The following SSX2IP variants were observed in gnomAD, a reference collection of about 807,000 sequenced individuals.
SSX2IP encodes afadin- and alpha-actinin-binding protein.
SSX2IP carries 55 observed loss-of-function variants against 84.9 expected under a neutral mutation model. The observed-to-expected ratio is 0.65, with a 90% confidence interval of 0.52 to 0.81. The LOEUF (loss-of-function observed/expected upper bound fraction) is 0.81, where lower values mean the gene tolerates loss of function less well. Ranked by LOEUF, SSX2IP falls within the 30% of genes least tolerant of loss-of-function variation. The pLI is 0.00. For synonymous variants in SSX2IP, 239 were observed against 234.7 expected (o/e 1.02, Z -0.17); for missense variants, 664 against 705.2 (o/e 0.94, Z 0.66).
chr1:84,677,686 T>C (rs1654560778), intron 1 of SSX2IP, among the ~76,000 whole-genome samples: 1 of 152,120 alleles, frequency 6.6e-6, no homozygotes, highest in South Asian at 2.1e-4. Flanking sequence ...CCCTCTTAAA[T>C]CCCTCCTCCT....
intron 1 of SSX2IP, among the ~76,000 whole-genome samples, chr1:84,676,887 G>A (rs2102510305): frequency 6.6e-6 from 1 of 151,970 alleles, no homozygotes; most frequent in South Asian, 2.1e-4. Flanking sequence ...GCTAATTTTT[G>A]TATTTTTAGT....
intron 1 of SSX2IP, among the ~76,000 whole-genome samples, chr1:84,683,562 A>G (rs1320102860): frequency 6.6e-6 from 1 of 152,160 alleles, no homozygotes; most frequent in Non-Finnish European, 1.5e-5. Context: ...CTCTCCCACC[A>G]CAACTGAGTT....
At chr1:84,647,688 A>T (rs925624749) in intron 13 of SSX2IP, 81 bp from the exon 14 acceptor site, 1 of 1,120,504 alleles carries the variant, frequency 8.9e-7, no homozygotes, top group Non-Finnish European at 1.2e-6. Context: ...GCACTCTTCA[A>T]AAAAAATAAG....
chr1:84,659,939 G>C (rs1651690522), intron 8 of SSX2IP, among the ~76,000 whole-genome samples: 1 of 152,146 alleles, frequency 6.6e-6, no homozygotes, highest in East Asian at 1.9e-4. Context: ...GTGAGGCCAA[G>C]GTGGGATGAC....
chr1:84,676,867 C>T (rs6670434), intron 1 of SSX2IP, among the ~76,000 whole-genome samples: 15,691 of 151,728 alleles, frequency 0.1, 1,036 homozygotes, highest in East Asian at 0.18. Context: ...GGATTACAGG[C>T]GGATGCCTAG....
At chr1:84,666,745 T>G (rs1652828290) in intron 4 of SSX2IP, among the ~76,000 whole-genome samples, 3 of 152,130 alleles carry the variant, frequency 2.0e-5, no homozygotes, top group Admixed American at 6.6e-5. Context: ...CACTTCTCCC[T>G]GCAAGTGGTA....
intron 8 of SSX2IP, among the ~76,000 whole-genome samples, chr1:84,661,486 A>C (rs527467342): frequency 6.6e-6 from 1 of 151,946 alleles, no homozygotes; most frequent in Non-Finnish European, 1.5e-5. Context: ...TGATGCCTTG[A>C]TTGCCATAAC....
chr1:84,667,555 T>G (rs1053994822), intron 4 of SSX2IP, among the ~76,000 whole-genome samples: 3 of 152,084 alleles, frequency 2.0e-5, no homozygotes, highest in Non-Finnish European at 4.4e-5. Flanking sequence ...ATTTACACAT[T>G]GTCTTCCTCC....
intron 1 of SSX2IP, among the ~76,000 whole-genome samples, chr1:84,687,598 G>A (rs1359101417): frequency 6.6e-6 from 1 of 152,088 alleles, no homozygotes; most frequent in Non-Finnish European, 1.5e-5. Context: ...AGTTTCTGAG[G>A]GCTTCAGCAA....
intron 4 of SSX2IP, among the ~76,000 whole-genome samples, chr1:84,666,917 A>C (rs898292068): frequency 4.3e-4 from 66 of 152,310 alleles, no homozygotes; most frequent in African/African-American, 1.5e-3. Flanking sequence ...ATTTTTATAA[A>C]ATTCAAAAGC....
intron 1 of SSX2IP, among the ~76,000 whole-genome samples, chr1:84,671,601 A>C (rs550567472): frequency 6.6e-6 from 1 of 152,340 alleles, no homozygotes; most frequent in Non-Finnish European, 1.5e-5. Context: ...CATTGTACTA[A>C]GTAATATTTC....
chr1:84,658,274 C>T (rs759104484), intron 9 of SSX2IP, 44 bp downstream of exon 9: 3 of 1,607,868 alleles, frequency 1.9e-6, no homozygotes, highest in Admixed American at 1.7e-5. Flanking sequence ...CAACACCTTA[C>T]CAAATGTCAC....
intron 1 of SSX2IP, among the ~76,000 whole-genome samples, chr1:84,677,700 G>A (rs1654562153): frequency 6.6e-6 from 1 of 152,124 alleles, no homozygotes; most frequent in South Asian, 2.1e-4. Flanking sequence ...TCCTCCTGGG[G>A]AAAACAAGCC....
At chr1:84,664,625 T>A in intron 5 of SSX2IP, 73 bp from the exon 6 acceptor site, 3 of 1,326,724 alleles carry the variant, frequency 2.3e-6, no homozygotes, top group Non-Finnish European at 3.0e-6. Flanking sequence ...CTAAAATTCA[T>A]CTCCCCATAT....
intron 11 of SSX2IP, among the ~76,000 whole-genome samples, chr1:84,653,691 T>C (rs996886536): frequency 6.6e-6 from 1 of 152,182 alleles, no homozygotes; most frequent in African/African-American, 2.4e-5. Flanking sequence ...GAAATCCACG[T>C]CAGCTACTGA....
intron 10 of SSX2IP, 116 bp from the exon 11 acceptor site, chr1:84,656,121 A>C: frequency 1.9e-6 from 2 of 1,066,336 alleles, no homozygotes; most frequent in South Asian, 1.7e-5. Context: ...AATTATTAAG[A>C]ATCAAAAAGT....
Position 84,658,421 on chromosome 1 carries a change from A to C in SSX2IP, c.975T>G (p.Ser325Arg), listed in dbSNP as rs1651444815. The C allele has an allele frequency of 6.2e-7, 1 of 1,613,732 alleles. No homozygotes were observed. Among genetic ancestry groups the C allele is most frequent in the Admixed American group, 1.7e-5 (1 of 59,954 alleles). ...EEDAGELSRE[S>R]MWDLSCETVR... ...CAGTTTCACAGGAAAGGTCCCACAT[A>C]CTCTCTCTGCTTAGTTCCCCGGCAT... is the stretch of plus-strand genomic sequence containing the variant. The change falls in exon 9 of 14, where the codon AGT (serine) becomes AGG (arginine). Residue 325 changes from serine (S) to arginine (R), a missense_variant. By Grantham distance (110) the Ser-to-Arg change is moderately radical (BLOSUM62 -1). Transcript: ENST00000342203.
intron 8 of SSX2IP, among the ~76,000 whole-genome samples, chr1:84,660,908 A>G (rs1471676868): frequency 6.7e-6 from 1 of 149,276 alleles, no homozygotes; most frequent in Non-Finnish European, 1.5e-5. Context: ...AAAAAAAAAA[A>G]AAAAAAAAAT....
intron 1 of SSX2IP, among the ~76,000 whole-genome samples, chr1:84,687,647 T>C (rs766546351): frequency 2.6e-5 from 4 of 152,340 alleles, no homozygotes; most frequent in Middle Eastern, 3.4e-3. Flanking sequence ...GGACTGTCTT[T>C]CAGATATTAT....
Sources: allele counts gnomAD v4.1 joint callset (sites outside exome capture counted in the v4.1 genomes callset), GRCh38; gene constraint gnomAD v4.1.1; transcripts MANE v1.5; gene names NCBI Gene and HGNC (gene_info 2026-07-23, HGNC 2026-07-21).